Variants in VPS13B observed in about 807,000 individuals in gnomAD.
VPS13B encodes intermembrane lipid transfer protein VPS13B.
In VPS13B, 285 loss-of-function variants were observed where a neutral mutation model predicts 426.4. The observed-to-expected ratio is 0.67, with a 90% CI of 0.61 to 0.74. The LOEUF (loss-of-function observed/expected upper bound fraction) is 0.74, where lower values mean the gene tolerates loss of function less well. Among genes scored for constraint, VPS13B ranks in the 30% least tolerant of loss-of-function variants. VPS13B has a pLI of 0.00. For missense variants in VPS13B, 4,537 were observed against 4,782.6 expected (o/e 0.95, Z 1.51); for synonymous variants, 1,676 against 1,676.4 (o/e 1.00, Z 0.01).
intron 30 of VPS13B, among the ~76,000 whole-genome samples, chr8:99,543,279 A>G (rs1038346527): frequency 6.6e-6 from 1 of 152,216 alleles, no homozygotes; most frequent in African/African-American, 2.4e-5. Flanking sequence ...CTGAAACTCA[A>G]TCCCTTCCTT....
chr8:99,873,439 C>T (rs575467557), intron 61 of VPS13B: 1 of 152,182 alleles, frequency 6.6e-6, no homozygotes, highest in African/African-American at 2.4e-5. Flanking sequence ...TGATTTTCCA[C>T]TGCTGTCCAG....
chr8:99,764,762 A>G (rs1290714542), intron 39 of VPS13B, among the ~76,000 whole-genome samples: 1 of 152,066 alleles, frequency 6.6e-6, no homozygotes, highest in Non-Finnish European at 1.5e-5. Context: ...AATACATCCT[A>G]TAGATCTGCA....
intron 54 of VPS13B, among the ~76,000 whole-genome samples, chr8:99,840,531 G>C (rs1395189678): frequency 6.6e-6 from 1 of 152,192 alleles, no homozygotes. Context: ...ACAAGTTCAT[G>C]GTTGACATAC....
chr8:99,732,767 G>A (rs972044022), intron 39 of VPS13B, among the ~76,000 whole-genome samples: 1 of 152,182 alleles, frequency 6.6e-6, no homozygotes, highest in Admixed American at 6.5e-5. Context: ...GAAGCAAATG[G>A]GATTTTCGAA....
intron 20 of VPS13B, among the ~76,000 whole-genome samples, chr8:99,389,099 A>T (rs1216244568): frequency 6.6e-6 from 1 of 152,122 alleles, no homozygotes; most frequent in Non-Finnish European, 1.5e-5. Context: ...CAGTGAACCA[A>T]GATTGCACCA....
chr8:99,232,401 G>A (rs1475145812), intron 17 of VPS13B, among the ~76,000 whole-genome samples: 6 of 151,900 alleles, frequency 3.9e-5, no homozygotes, highest in African/African-American at 7.3e-5. Context: ...GTGTCCTTCC[G>A]ACAAGATTTC....
intron 44 of VPS13B, among the ~76,000 whole-genome samples, chr8:99,813,704 T>C (rs1402953462): frequency 7.9e-5 from 12 of 152,226 alleles, no homozygotes; most frequent in Non-Finnish European, 1.5e-4. Flanking sequence ...GATGTGCTCC[T>C]TCTAAAGAAA....
chr8:99,581,008 C>G (rs1826028107), intron 33 of VPS13B, among the ~76,000 whole-genome samples: 1 of 151,032 alleles, frequency 6.6e-6, no homozygotes, highest in Non-Finnish European at 1.5e-5. Flanking sequence ...CACACACACA[C>G]ACACACACAC....
chr8:99,224,894 C>T (rs957606826), intron 17 of VPS13B, among the ~76,000 whole-genome samples: 1 of 152,088 alleles, frequency 6.6e-6, no homozygotes, highest in Non-Finnish European at 1.5e-5. Flanking sequence ...ATTCAAAGTT[C>T]CTCCCAAGGT....
chr8:99,816,321 C>G (rs528890914), intron 44 of VPS13B, among the ~76,000 whole-genome samples: 3 of 151,952 alleles, frequency 2.0e-5, no homozygotes, highest in Admixed American at 6.6e-5. Context: ...AGGCTGGTCT[C>G]GAACTCCCGA....
chr8:99,194,163 GT>G (rs995291868), intron 17 of VPS13B, among the ~76,000 whole-genome samples: 3 of 152,236 alleles, frequency 2.0e-5, no homozygotes, highest in African/African-American at 7.2e-5. Flanking sequence ...AGTTGTAGTA[GT>G]TTTGGTGCTG....
At chr8:99,314,889 G>A (rs370053341) in intron 19 of VPS13B, among the ~76,000 whole-genome samples, 2 of 152,060 alleles carry the variant, frequency 1.3e-5, no homozygotes, top group Non-Finnish European at 2.9e-5. Context: ...GACCTTCTTT[G>A]TGTCTTTTTA....
intron 17 of VPS13B, among the ~76,000 whole-genome samples, chr8:99,215,039 T>C (rs1232262851): frequency 2.0e-5 from 3 of 152,214 alleles, no homozygotes; most frequent in African/African-American, 7.2e-5. Context: ...CAGAGGAGCC[T>C]TCTTTAAGTA....
chr8:99,349,099 C>T (rs1332057613), intron 19 of VPS13B, among the ~76,000 whole-genome samples: 2 of 150,908 alleles, frequency 1.3e-5, no homozygotes, highest in Admixed American at 6.6e-5. Context: ...TTTGGGAGGC[C>T]GAGGCGGGCG....
intron 21 of VPS13B, among the ~76,000 whole-genome samples, chr8:99,420,822 A>G (rs78658447): frequency 1.1e-3 from 162 of 152,286 alleles, no homozygotes; most frequent in African/African-American, 3.7e-3. Context: ...ATCAGTTACC[A>G]TTTCTCAGAG....
At chr8:99,724,714 T>C (rs1182958686) in intron 39 of VPS13B, among the ~76,000 whole-genome samples, 2 of 152,168 alleles carry the variant, frequency 1.3e-5, no homozygotes, top group Admixed American at 1.3e-4. Flanking sequence ...CTTTTTCTTA[T>C]CACACAAATG....
rs924590521 is a variant in VPS13B at position 99,686,809 on chromosome 8, G to T, written c.6047-12716G>T. Among the ~76,000 whole-genome samples the T allele has an allele frequency of 2.0e-4, 30 of 152,116 alleles. 1 individual carries two copies. Among genetic ancestry groups the T allele is most frequent in the Admixed American group, 1.2e-3 (19 of 15,282 alleles). On this transcript the variant is annotated intron_variant, in intron 35 of 61. Transcript: ENST00000357162. ...AATGAAATGCCATCCAAGAACCAAGGCCTGGAATTGGGAATCCCAAGAACC... is the reference window on the plus strand; with the variant it reads ...AATGAAATGCCATCCAAGAACCAAGTCCTGGAATTGGGAATCCCAAGAACC...
intron 19 of VPS13B, among the ~76,000 whole-genome samples, chr8:99,345,441 A>T (rs1463631201): frequency 6.6e-6 from 1 of 152,192 alleles, no homozygotes; most frequent in African/African-American, 2.4e-5. Flanking sequence ...GTGCAACACC[A>T]ACCGTGGGCT....
Position 99,274,183 on chromosome 8 carries a change from G to A in VPS13B, c.2516-15G>A, listed in dbSNP as rs1423274732. 2 of 1,613,922 alleles carry A rather than the reference G, an allele frequency of 1.2e-6. No individual in the cohort carries two copies. The highest frequency in any genetic ancestry group is 2.7e-5 in the African/African-American group (2 of 74,922). ...AATTCAATCGGCTAGTACATTTGCA[G>A]TTTTCTTTTATTAGGTGTGAAATCT... On this transcript the variant is annotated splice_polypyrimidine_tract_variant and intron_variant, in intron 17 of 61. Coordinates refer to ENST00000357162, the MANE Select transcript of VPS13B (RefSeq NM_152564.5).
Sources: allele counts gnomAD v4.1 joint callset (sites outside exome capture counted in the v4.1 genomes callset), GRCh38; gene constraint gnomAD v4.1.1; transcripts MANE v1.5; gene names NCBI Gene and HGNC (gene_info 2026-07-23, HGNC 2026-07-21).